FARP1: variants seen among roughly 807,000 people sequenced by gnomAD.
FARP1 encodes FERM, ARH/RhoGEF and pleckstrin domain protein 1.
FARP1 carries 52 observed loss-of-function variants against 128.8 expected under a neutral mutation model. The ratio of observed to expected loss-of-function variants is 0.40; its 90% CI spans 0.32 to 0.51. FARP1 has a LOEUF of 0.51. Ranked by LOEUF, FARP1 falls within the 20% of genes least tolerant of loss-of-function variation. The pLI is 0.45. For missense variants in FARP1, 1,333 were observed against 1,367.9 expected (o/e 0.97, Z 0.40); for synonymous variants, 580 against 551.8 (o/e 1.05, Z -0.72).
chr13:98,358,385 A>G (rs528747113), intron 3 of FARP1, among the ~76,000 whole-genome samples: 1 of 151,936 alleles, frequency 6.6e-6, no homozygotes, highest in African/African-American at 2.4e-5. Flanking sequence ...TTGGTGTACC[A>G]TGTTTTCAGA....
At chr13:98,297,166 T>C (rs553182890) in intron 2 of FARP1, among the ~76,000 whole-genome samples, 1 of 152,362 alleles carries the variant, frequency 6.6e-6, no homozygotes, top group Non-Finnish European at 1.5e-5. Context: ...CATAGGAAGA[T>C]AGGCTGTAGG....
chr13:98,274,976 T>C (rs75229726), intron 2 of FARP1, among the ~76,000 whole-genome samples: 5,029 of 152,298 alleles, frequency 0.033, 103 homozygotes, highest in African/African-American at 0.044. Context: ...TAAAGTAATA[T>C]GATTGTATTA....
In FARP1 at chr13:98,450,767, C is replaced by T. The variant is rs1185154956; in HGVS notation, c.*2450C>T. ...ACGCTGAGGCAGGTTCCAGTGGTAG[C>T]CCTGGTGCCTGGGCTCTCTCTTAAT... On this transcript the variant is annotated 3_prime_UTR_variant, in exon 27 of 27. Transcript: ENST00000319562. 6.6e-6 allele frequency: 1 copy of T among 152,272 alleles called. No homozygotes were observed. The highest frequency in any genetic ancestry group is 2.4e-5 in the African/African-American group (1 of 41,450). The allele number at this position is 152,272 out of a possible 1,614,324, so 9.4% of individuals were successfully genotyped here.
At chr13:98,374,823 G>A (rs57880531) in intron 5 of FARP1, among the ~76,000 whole-genome samples, 7,284 of 152,292 alleles carry the variant, frequency 0.048, 576 homozygotes, top group African/African-American at 0.17. Flanking sequence ...GCTTCCACTC[G>A]TGGTAGAAGG....
intron 3 of FARP1, among the ~76,000 whole-genome samples, chr13:98,358,257 C>T (rs1888721190): frequency 1.3e-5 from 2 of 151,958 alleles, no homozygotes; most frequent in Admixed American, 6.6e-5. Context: ...CCGCATCCTA[C>T]CTGTGTTCCT....
chr13:98,366,514 A>C (rs375928689), intron 4 of FARP1, among the ~76,000 whole-genome samples: 3 of 152,214 alleles, frequency 2.0e-5, no homozygotes, highest in African/African-American at 7.2e-5. Context: ...TGTCCCCCGC[A>C]TGAAGGGAAC....
intron 2 of FARP1, among the ~76,000 whole-genome samples, chr13:98,258,207 T>C (rs1184676141): frequency 1.3e-5 from 2 of 152,098 alleles, no homozygotes; most frequent in Non-Finnish European, 2.9e-5. Context: ...GACCTCATGA[T>C]CCACCCGCGT....
At chr13:98,300,887 T>C (rs1885896724) in intron 2 of FARP1, among the ~76,000 whole-genome samples, 2 of 152,144 alleles carry the variant, frequency 1.3e-5, no homozygotes, top group Admixed American at 6.5e-5. Context: ...AGAGTTACCC[T>C]TTAAGGGACT....
chr13:98,441,924 C>T (rs1280941782), intron 24 of FARP1, among the ~76,000 whole-genome samples: 1 of 151,440 alleles, frequency 6.6e-6, no homozygotes, highest in Non-Finnish European at 1.5e-5. Flanking sequence ...CTTCCAGACC[C>T]TTCCAAATGC....
intron 1 of FARP1, among the ~76,000 whole-genome samples, chr13:98,156,534 A>G (rs1404703915): frequency 2.6e-5 from 4 of 152,060 alleles, no homozygotes; most frequent in African/African-American, 4.8e-5. Context: ...CAGCTTTCCA[A>G]AGTGGTGGGA....
chr13:98,453,227 G>A lies in FARP1; in HGVS notation c.*4910G>A. ...GAGAGTATCTAGGGAAAAAGAGAGA[G>A]AGAGAAGTCAACACATGTCATTTCT... On this transcript the variant is annotated 3_prime_UTR_variant, in exon 27 of 27. Coordinates refer to ENST00000319562, the MANE Select transcript of FARP1 (RefSeq NM_005766.4). The A allele has an allele frequency of 2.5e-6, 4 of 1,611,688 alleles. No homozygotes were observed. Among genetic ancestry groups the A allele is most frequent in the Non-Finnish European group, 3.4e-6 (4 of 1,179,102 alleles).
intron 2 of FARP1, among the ~76,000 whole-genome samples, chr13:98,244,005 A>AT (rs541940023): frequency 5.0e-4 from 75 of 148,830 alleles, no homozygotes; most frequent in Middle Eastern, 3.4e-3. Flanking sequence ...TTATTTCTAG[A>AT]TTTTTTTTTT....
intron 16 of FARP1, among the ~76,000 whole-genome samples, chr13:98,419,069 C>A (rs1466827516): frequency 6.6e-6 from 1 of 152,206 alleles, no homozygotes; most frequent in Non-Finnish European, 1.5e-5. Flanking sequence ...ATTGAAGATG[C>A]CTCTCGCACA....
intron 2 of FARP1, chr13:98,233,704 A>G (rs1010776287): frequency 3.3e-5 from 5 of 152,214 alleles, no homozygotes; most frequent in African/African-American, 9.7e-5. Flanking sequence ...GTGAGTTCCT[A>G]AGGAGCATTT....
Position 98,385,728 on chromosome 13 carries a change from T to G in FARP1, c.673T>G (p.Tyr225Asp). 1 of 1,614,180 alleles carries G rather than the reference T, an allele frequency of 6.2e-7. No homozygotes were observed. Among genetic ancestry groups the G allele is most frequent in the South Asian group, 1.1e-5 (1 of 91,080 alleles). The change falls in exon 8 of 27, where the codon TAT becomes GAT. Residue 225 changes from tyrosine (Y) to aspartate (D), a missense_variant. Around this residue, in one of 2 missense-constraint regions of FARP1, gnomAD observed 324 missense variants for 398.1 expected, o/e 0.81. Coordinates refer to ENST00000319562, the MANE Select transcript of FARP1 (RefSeq NM_005766.4). ...LLEIARRLEMYGIRLHPAKDR... is the reference protein window; with the variant it reads ...LLEIARRLEMDGIRLHPAKDR... ...AGAGATTGCCCGTCGGCTAGAGATG[T>G]ATGGAATCCGGTTGCACCCGGCCAA...
At chr13:98,145,861 CAAAAAAA>C (rs140525790) in intron 1 of FARP1, among the ~76,000 whole-genome samples, 110 of 131,236 alleles carry the variant, frequency 8.4e-4, no homozygotes, top group African/African-American at 2.5e-3. Context: ...GACTCTGTCT[CAAAAAAA>C]AAAAAAAAAA....
At chr13:98,380,475 A>T (rs1352555304) in intron 6 of FARP1, among the ~76,000 whole-genome samples, 2 of 152,078 alleles carry the variant, frequency 1.3e-5, no homozygotes, top group African/African-American at 4.8e-5. Flanking sequence ...CACCACAAAA[A>T]TAAATAAATA....
intron 12 of FARP1, 33 bp from the exon 13 acceptor site, chr13:98,395,194 A>G (rs201724185): frequency 5.8e-6 from 9 of 1,562,614 alleles, no homozygotes; most frequent in African/African-American, 5.5e-5. Context: ...CCTCTTCTCT[A>G]TCTCTCCGCA....
chr13:98,262,089 C>T (rs1883911071), intron 2 of FARP1, among the ~76,000 whole-genome samples: 1 of 145,970 alleles, frequency 6.9e-6, no homozygotes, highest in African/African-American at 2.5e-5. Context: ...GATCTCAGCT[C>T]ACTGCAACCT....
Sources: gnomAD v4.1 joint callset for allele counts (sites outside exome capture counted in the v4.1 genomes callset) on GRCh38, gnomAD v4.1.1 for gene constraint, gnomAD v4.1.1 regional missense constraint, MANE v1.5 for transcripts, NCBI Gene and HGNC (gene_info 2026-07-23, HGNC 2026-07-21) for gene names.